Variants in VWC2 observed in about 807,000 individuals in gnomAD.
The protein encoded by VWC2 is von Willebrand factor C domain containing 2.
VWC2 carries 14 observed loss-of-function variants against 29.8 expected under a neutral mutation model. The observed-to-expected ratio is 0.47, with a 90% confidence interval of 0.31 to 0.74. The LOEUF (loss-of-function observed/expected upper bound fraction) is 0.74. VWC2 is among the 30% of genes least tolerant of loss of function. The pLI, the probability that VWC2 is intolerant of heterozygous loss-of-function variation, is 0.05. For synonymous variants in VWC2, 213 were observed against 199.0 expected (o/e 1.07, Z -0.59); for missense variants, 457 against 459.8 (o/e 0.99, Z 0.05).
At chr7:49,829,478 C>T (rs1789477491) in intron 3 of VWC2, among the ~76,000 whole-genome samples, 1 of 152,208 alleles carries the variant, frequency 6.6e-6, no homozygotes, top group Non-Finnish European at 1.5e-5. Context: ...TTCTGGCAGC[C>T]TGGCAGGGTA....
chr7:49,793,958 A>T (rs1788522852), intron 2 of VWC2, among the ~76,000 whole-genome samples: 1 of 152,178 alleles, frequency 6.6e-6, no homozygotes, highest in South Asian at 2.1e-4. Context: ...GGTACCTGCA[A>T]GGTTTCTGAA....
At chr7:49,800,915 A>G (rs1022313935) in intron 2 of VWC2, among the ~76,000 whole-genome samples, 6 of 151,638 alleles carry the variant, frequency 4.0e-5, no homozygotes, top group Non-Finnish European at 7.4e-5. Context: ...TCTCAAAAAC[A>G]GGCCTTTATA....
Position 49,773,932 on chromosome 7 carries a change from A to G in VWC2, c.-285A>G, listed in dbSNP as rs1215231968. 1.3e-5 allele frequency: 2 copies of G among 152,130 alleles called. No homozygotes were observed. The highest frequency in any genetic ancestry group is 2.9e-5 in the Non-Finnish European group (2 of 68,098). The allele number at this position is 152,130 out of a possible 1,614,324, so 9.4% of individuals were successfully genotyped here. On this transcript the variant is annotated 5_prime_UTR_variant, in exon 1 of 4. Coordinates refer to ENST00000340652, the MANE Select transcript of VWC2 (RefSeq NM_198570.5). The stretch of plus-strand genomic sequence containing the variant: ...GACAGCGCGATGAGCGACTCCCCAG[A>G]GACGCCCTAGCCCGGTGTGCGCGCC...
At chr7:49,848,851 T>C (rs1214186044) in intron 3 of VWC2, among the ~76,000 whole-genome samples, 1 of 152,212 alleles carries the variant, frequency 6.6e-6, no homozygotes, top group Non-Finnish European at 1.5e-5. Context: ...AATGATTACA[T>C]TGTGTCTAAT....
intron 3 of VWC2, among the ~76,000 whole-genome samples, chr7:49,833,512 C>G (rs1246062055): frequency 6.6e-6 from 1 of 152,112 alleles, no homozygotes; most frequent in African/African-American, 2.4e-5. Context: ...TGGGGTCTTA[C>G]AGATATTTAT....
chr7:49,800,995 A>C (rs1349461814), intron 2 of VWC2, among the ~76,000 whole-genome samples: 2 of 152,154 alleles, frequency 1.3e-5, no homozygotes, highest in African/African-American at 2.4e-5. Flanking sequence ...CTCAGGCTAC[A>C]CTAAAGTTTT....
At chr7:49,792,029 GAA>G (rs1418549328) in intron 2 of VWC2, among the ~76,000 whole-genome samples, 1 of 152,214 alleles carries the variant, frequency 6.6e-6, no homozygotes. Context: ...ACACTGGTGA[GAA>G]AGAAATATAC....
chr7:49,801,408 G>T (rs1016034720), intron 2 of VWC2, among the ~76,000 whole-genome samples: 7 of 152,134 alleles, frequency 4.6e-5, no homozygotes, highest in South Asian at 4.1e-4. Flanking sequence ...CTGATGGCTG[G>T]GTCTGCATAT....
intron 3 of VWC2, among the ~76,000 whole-genome samples, chr7:49,854,432 G>A (rs1165342006): frequency 6.6e-6 from 1 of 152,106 alleles, no homozygotes; most frequent in Non-Finnish European, 1.5e-5. Flanking sequence ...GTATCTCATT[G>A]TGGTTTTGAT....
In VWC2 at chr7:49,838,731, A is replaced by T. The variant is rs1204200346; in HGVS notation, c.826+35891A>T. ...AGCTACAATTTATTTTTTAGGACCTAAAAGTTTCCAGGATTTTCCAGGAGC... is the reference window on the plus strand; with the variant it reads ...AGCTACAATTTATTTTTTAGGACCTTAAAGTTTCCAGGATTTTCCAGGAGC... On this transcript the variant is annotated intron_variant, in intron 3 of 3. Coordinates refer to ENST00000340652, the MANE Select transcript of VWC2 (RefSeq NM_198570.5). Among the ~76,000 whole-genome samples, 4 of 151,716 alleles carry T rather than the reference A, an allele frequency of 2.6e-5. No homozygotes were observed. In the East Asian group the frequency reaches 5.8e-4, roughly 22 times the overall value.
At chr7:49,791,323 C>T (rs1029351477) in intron 2 of VWC2, among the ~76,000 whole-genome samples, 1 of 152,204 alleles carries the variant, frequency 6.6e-6, no homozygotes, top group Non-Finnish European at 1.5e-5. Context: ...GGCTGCTTGT[C>T]CTGGGCTACG....
intron 3 of VWC2, among the ~76,000 whole-genome samples, chr7:49,822,561 C>T (rs1198500142): frequency 2.0e-5 from 3 of 152,184 alleles, no homozygotes; most frequent in African/African-American, 7.2e-5. Flanking sequence ...GCCTCAGCCT[C>T]CTGAGTAGCT....
chr7:49,855,797 C>G (rs1790394450), intron 3 of VWC2, among the ~76,000 whole-genome samples: 1 of 152,190 alleles, frequency 6.6e-6, no homozygotes, highest in Non-Finnish European at 1.5e-5. Flanking sequence ...GCTGCCCTCA[C>G]CAGCCAGGGG....
chr7:49,920,035 T>C lies in VWC2; in HGVS notation c.*7850T>C, dbSNP rs1344447081. On this transcript the variant is annotated 3_prime_UTR_variant, in exon 4 of 4. Coordinates refer to ENST00000340652, the MANE Select transcript of VWC2 (RefSeq NM_198570.5). ...AATGTCTTTAAAATAAACATAATGG[T>C]GTTTTTTTTTGGTACAATAAACAGC... 1.3e-5 allele frequency: 2 copies of C among 152,014 alleles called. No homozygotes were observed. The highest frequency in any genetic ancestry group is 2.9e-5 in the Non-Finnish European group (2 of 68,006). The allele number at this position is 152,014 out of a possible 1,614,324, so 9.4% of individuals were successfully genotyped here.
At chr7:49,910,179 G>T (rs1268727984) in intron 3 of VWC2, among the ~76,000 whole-genome samples, 1 of 152,184 alleles carries the variant, frequency 6.6e-6, no homozygotes, top group Non-Finnish European at 1.5e-5. Flanking sequence ...CAAGCAGGCA[G>T]CCATGTGCAG....
chr7:49,899,575 G>A (rs374960506), intron 3 of VWC2, among the ~76,000 whole-genome samples: 5 of 151,958 alleles, frequency 3.3e-5, no homozygotes, highest in African/African-American at 1.2e-4. Context: ...TTATCAGCCA[G>A]AGGGAGGTAT....
intron 2 of VWC2, among the ~76,000 whole-genome samples, chr7:49,787,946 G>A (rs1170829094): frequency 6.6e-6 from 1 of 152,192 alleles, no homozygotes; most frequent in South Asian, 2.1e-4. Context: ...GGACCATTGC[G>A]CCGTATGTCT....
chr7:49,834,785 G>A (rs368947771), intron 3 of VWC2, among the ~76,000 whole-genome samples: 4 of 152,212 alleles, frequency 2.6e-5, no homozygotes, highest in African/African-American at 9.6e-5. Flanking sequence ...GAGGCCCCAA[G>A]GATTGGAGTC....
intron 3 of VWC2, 68 bp downstream of exon 3, chr7:49,802,908 A>G: frequency 1.2e-6 from 2 of 1,603,916 alleles, no homozygotes; most frequent in Middle Eastern, 1.7e-4. Flanking sequence ...GTGCTGCTTC[A>G]TGGTAGACGG....
Sources: gnomAD v4.1 joint callset for allele counts (sites outside exome capture counted in the v4.1 genomes callset) on GRCh38, gnomAD v4.1.1 for gene constraint, MANE v1.5 for transcripts, NCBI Gene and HGNC (gene_info 2026-07-23, HGNC 2026-07-21) for gene names.